MEIS2: variants seen among roughly 807,000 people sequenced by gnomAD.
MEIS2 encodes homeobox protein Meis2.
A neutral mutation model predicts 58.6 loss-of-function variants in MEIS2; 9 were observed. The ratio of observed to expected loss-of-function variants is 0.15; its 90% CI spans 0.09 to 0.27. The LOEUF is 0.27. Among genes scored for constraint, MEIS2 ranks in the 10% least tolerant of loss-of-function variants. MEIS2 has a pLI of 1.00. For synonymous variants in MEIS2, 221 were observed against 228.4 expected (o/e 0.97, Z 0.29); for missense variants, 427 against 635.0 (o/e 0.67, Z 3.52).
At chr15:36,895,411 T>C (rs1042380299) in intron 10 of MEIS2, 150 bp from the exon 11 acceptor site, 1 of 642,310 alleles carries the variant, frequency 1.6e-6, no homozygotes, top group African/African-American at 1.8e-5. Context: ...AGTGTCTTGA[T>C]GACTGAGTGA....
At chr15:37,098,420 GA>G (rs1894645383) in intron 1 of MEIS2, 81 of 1,115,706 alleles carry the variant, frequency 7.3e-5, no homozygotes, top group Middle Eastern at 6.8e-4. Flanking sequence ...GAGAGAGAGA[GA>G]GAGAAAATAA....
intron 1 of MEIS2, 136 bp downstream of exon 1, chr15:37,099,319 G>T (rs1894811330): frequency 4.5e-6 from 7 of 1,557,316 alleles, no homozygotes; most frequent in Non-Finnish European, 5.2e-6. Flanking sequence ...GAATAATTTT[G>T]CTATTTTTTA....
At chr15:37,022,198 T>C (rs2061548199) in intron 8 of MEIS2, among the ~76,000 whole-genome samples, 1 of 152,216 alleles carries the variant, frequency 6.6e-6, no homozygotes, top group African/African-American at 2.4e-5. Flanking sequence ...TACTAGTTTA[T>C]ATTCCAGAAA....
chr15:37,020,094 G>C (rs2061473841), intron 8 of MEIS2, among the ~76,000 whole-genome samples: 1 of 152,098 alleles, frequency 6.6e-6, no homozygotes, highest in Non-Finnish European at 1.5e-5. Flanking sequence ...ATTGCTTTTT[G>C]TGCAGCAAAG....
intron 7 of MEIS2, among the ~76,000 whole-genome samples, chr15:37,045,329 T>C (rs1346619490): frequency 6.6e-6 from 1 of 152,186 alleles, no homozygotes; most frequent in Non-Finnish European, 1.5e-5. Flanking sequence ...TTATGCCCTT[T>C]TCCTCTTAAA....
rs1292618464 is a variant in MEIS2, at chr15:37,094,691, GGGCAGGT to G, written c.439-121_439-115del. On this transcript the variant is annotated intron_variant, in intron 4 of 11. Transcript: ENST00000561208. ...GAAAGTTGGGCTGGGGAGAAGAAAC[GGGCAGGT>G]GGCCAGGAAAAACTTAAACATCAAG... 29 of 757,354 alleles carry G rather than the reference GGGCAGGT, an allele frequency of 3.8e-5. No homozygotes were observed. In the African/African-American group the frequency reaches 4.6e-4, roughly 12 times the overall value. 46.9% of individuals were successfully genotyped at this position (757,354 alleles called of 1,614,324 possible).
At chr15:36,992,839 C>T (rs929294712) in intron 8 of MEIS2, among the ~76,000 whole-genome samples, 2 of 152,000 alleles carry the variant, frequency 1.3e-5, no homozygotes, top group African/African-American at 4.8e-5. Context: ...TTTTCTCGCA[C>T]GGATTTTGAA....
At position 37,099,576 on chromosome 15, in the gene MEIS2, G is replaced by T; in HGVS notation, c.-110C>A. ...CTTTTTTTTTTTTCCAAACCAAAGA[G>T]ACTTCTCCCAATTCTCCAATATGCT... is the stretch of plus-strand genomic sequence containing the variant. On this transcript the variant is annotated 5_prime_UTR_variant, in exon 1 of 12. Transcript: ENST00000561208. 6.7e-7 allele frequency: 1 copy of T among 1,494,416 alleles called. No homozygotes were observed. Among genetic ancestry groups the T allele is most frequent in the Non-Finnish European group, 9.1e-7 (1 of 1,099,050 alleles). The allele number at this position is 1,494,416 out of a possible 1,614,324, so 92.6% of individuals were successfully genotyped here.
At chr15:37,049,272 G>A (rs1193103062) in intron 7 of MEIS2, among the ~76,000 whole-genome samples, 2 of 152,108 alleles carry the variant, frequency 1.3e-5, no homozygotes, top group Non-Finnish European at 2.9e-5. Context: ...AGACACTGAG[G>A]CCCTATAAAG....
chr15:36,955,484 A>T (rs1332530295), intron 8 of MEIS2, among the ~76,000 whole-genome samples: 1 of 152,226 alleles, frequency 6.6e-6, no homozygotes, highest in African/African-American at 2.4e-5. Context: ...GTTCTCATTC[A>T]AGCTTTGTTA....
intron 8 of MEIS2, among the ~76,000 whole-genome samples, chr15:37,012,885 T>TTACAGTATATATAATA (rs1204831924): frequency 1.3e-5 from 2 of 152,336 alleles, no homozygotes; most frequent in East Asian, 3.9e-4. Flanking sequence ...TAGGTATATA[T>TTACAGTATATATAATA]TACAGTATAT....
At chr15:37,078,605 C>CAAAAAAAA (rs540405090) in intron 7 of MEIS2, among the ~76,000 whole-genome samples, 4 of 69,408 alleles carry the variant, frequency 5.8e-5, no homozygotes, top group East Asian at 4.8e-4. Context: ...AAAAAACAAC[C>CAAAAAAAA]AAAAAAAAAA....
At chr15:37,025,214 T>TG (rs1178606335) in intron 8 of MEIS2, among the ~76,000 whole-genome samples, 11 of 152,230 alleles carry the variant, frequency 7.2e-5, no homozygotes, top group Non-Finnish European at 1.3e-4. Flanking sequence ...AAAACATTAA[T>TG]AGACACCAGT....
At chr15:36,982,439 T>C (rs1420112412) in intron 8 of MEIS2, among the ~76,000 whole-genome samples, 1 of 152,196 alleles carries the variant, frequency 6.6e-6, no homozygotes, top group Non-Finnish European at 1.5e-5. Context: ...CCTAGCATAA[T>C]GTCTTCCAGC....
intron 9 of MEIS2, among the ~76,000 whole-genome samples, chr15:36,911,696 G>T (rs867341794): frequency 6.6e-6 from 1 of 152,158 alleles, no homozygotes. Flanking sequence ...GAAGGGCTCT[G>T]GTTCTATAAG....
chr15:36,994,826 T>G (rs17527156), intron 8 of MEIS2, among the ~76,000 whole-genome samples: 42,372 of 152,132 alleles, frequency 0.28, 6,913 homozygotes, highest in Non-Finnish European at 0.37. Flanking sequence ...TTAAAAATCT[T>G]TACATGAATA....
At chr15:36,995,341 T>C (rs2060438805) in intron 8 of MEIS2, among the ~76,000 whole-genome samples, 2 of 152,154 alleles carry the variant, frequency 1.3e-5, no homozygotes, top group South Asian at 4.1e-4. Flanking sequence ...TTTTTCTAAT[T>C]GCATGCCACT....
chr15:36,984,898 T>A (rs1331387307), intron 8 of MEIS2, among the ~76,000 whole-genome samples: 1 of 152,128 alleles, frequency 6.6e-6, no homozygotes, highest in Non-Finnish European at 1.5e-5. Context: ...AGCAGTCTCT[T>A]ATAATCTTTT....
At position 36,952,576 on chromosome 15, in the gene MEIS2, G is replaced by C. The variant is rs1445942799; in HGVS notation, c.901-2176C>G. 2.0e-5 allele frequency among the ~76,000 whole-genome samples: 3 copies of C among 146,966 alleles called. No homozygotes were observed. In the Admixed American group the frequency reaches 2.0e-4, roughly 10 times the overall value. ...TCCAAGGCAGTTTTGACAAAATGTG[G>C]GTTGTAGAGTCTGTCTGTCTGTCTC... On this transcript the variant is annotated intron_variant, in intron 8 of 11. Transcript: ENST00000561208.
Sources: allele counts gnomAD v4.1 joint callset (sites outside exome capture counted in the v4.1 genomes callset), GRCh38; gene constraint gnomAD v4.1.1; transcripts MANE v1.5; gene names NCBI Gene and HGNC (gene_info 2026-07-23, HGNC 2026-07-21).